The following MYT1L variants were observed in gnomAD, a reference collection of about 807,000 sequenced individuals.
MYT1L encodes myelin transcription factor 1 like.
Under a neutral mutation model 126.7 loss-of-function variants are expected in MYT1L, and 12 were observed. That is an observed-to-expected ratio of 0.09 (90% CI 0.06 to 0.15). The LOEUF (loss-of-function observed/expected upper bound fraction) is 0.15. Ranked by LOEUF, MYT1L falls within the 10% of genes least tolerant of loss-of-function variation. The probability of loss-of-function intolerance (pLI) is 1.00; values close to 1 mark genes in which losing one functional copy is unlikely to be tolerated. For synonymous variants in MYT1L, 541 were observed against 604.2 expected (o/e 0.90, Z 1.53); for missense variants, 979 against 1,585.2 (o/e 0.62, Z 6.49).
intron 3 of MYT1L, among the ~76,000 whole-genome samples, chr2:2,074,065 A>T (rs1386442268): frequency 6.6e-6 from 1 of 152,226 alleles, no homozygotes; most frequent in East Asian, 1.9e-4. Context: ...ATGAATGTTT[A>T]TTGAGCTGGC....
chr2:1,805,781 G>A (rs1481443357), intron 22 of MYT1L, among the ~76,000 whole-genome samples: 2 of 152,192 alleles, frequency 1.3e-5, no homozygotes, highest in African/African-American at 4.8e-5. Flanking sequence ...AGCTACACAG[G>A]AGGCTGAGGT....
chr2:2,166,962 C>T (rs1259649053), intron 3 of MYT1L, among the ~76,000 whole-genome samples: 1 of 152,170 alleles, frequency 6.6e-6, no homozygotes, highest in Non-Finnish European at 1.5e-5. Context: ...TCATTTTCCA[C>T]ATAGCTGCAT....
At chr2:2,235,134 T>C (rs1003791806) in intron 2 of MYT1L, among the ~76,000 whole-genome samples, 3 of 151,994 alleles carry the variant, frequency 2.0e-5, no homozygotes, top group Admixed American at 6.5e-5. Context: ...GGGGTGTCTG[T>C]TAGCTGGTTA....
intron 9 of MYT1L, among the ~76,000 whole-genome samples, chr2:1,931,475 G>A (rs917146340): frequency 6.6e-6 from 1 of 151,274 alleles, no homozygotes; most frequent in East Asian, 1.9e-4. Flanking sequence ...CACCCTCAGC[G>A]ATGCCCACGT....
At chr2:2,263,420 A>T in intron 2 of MYT1L, among the ~76,000 whole-genome samples, 1 of 152,124 alleles carries the variant, frequency 6.6e-6, no homozygotes, top group East Asian at 1.9e-4. Context: ...AAACAATTCC[A>T]ATGCATAAAT....
chr2:1,794,804 T>C (rs1031703201), intron 23 of MYT1L, among the ~76,000 whole-genome samples: 1 of 152,166 alleles, frequency 6.6e-6, no homozygotes. Context: ...TTTGCTTTTC[T>C]CAAAATGGAA....
intron 8 of MYT1L, among the ~76,000 whole-genome samples, chr2:1,957,703 G>C (rs138065741): frequency 4.6e-5 from 7 of 152,280 alleles, no homozygotes; most frequent in African/African-American, 1.7e-4. Context: ...AGGTGCAGCA[G>C]TGGGCAGCTC....
At chr2:2,020,922 C>G (rs2064962667) in intron 4 of MYT1L, among the ~76,000 whole-genome samples, 1 of 152,218 alleles carries the variant, frequency 6.6e-6, no homozygotes, top group Admixed American at 6.5e-5. Context: ...GGGACCCCAG[C>G]TGCCTCTGAG....
intron 2 of MYT1L, among the ~76,000 whole-genome samples, chr2:2,210,893 A>AT (rs548165791): frequency 1.7e-4 from 26 of 151,914 alleles, no homozygotes; most frequent in Admixed American, 7.9e-4. Flanking sequence ...TGTTTCTTCA[A>AT]TTTTTTTTAA....
At position 1,848,002 on chromosome 2, in the gene MYT1L, C is replaced by T. The variant is rs984763379; in HGVS notation, c.2774+3639G>A. 3.3e-5 allele frequency among the ~76,000 whole-genome samples: 5 copies of T among 152,186 alleles called. No homozygotes were observed. The highest frequency in any genetic ancestry group is 1.2e-4 in the African/African-American group (5 of 41,460). ...CATGGGGCTGCCAGGAGGTGGGACT[C>T]GGAGTCAGACGACATGGGCTCCAGT... is the stretch of plus-strand genomic sequence containing the variant. On this transcript the variant is annotated intron_variant, in intron 19 of 24. Coordinates refer to ENST00000647738, the MANE Select transcript of MYT1L (RefSeq NM_001303052.2). The surrounding 1 kb of genome is among the most constrained non-coding windows in gnomAD (Gnocchi z 4.8).
intron 18 of MYT1L, among the ~76,000 whole-genome samples, chr2:1,881,847 A>G (rs977920905): frequency 9.9e-5 from 15 of 152,182 alleles, no homozygotes; most frequent in Non-Finnish European, 2.2e-4. Context: ...TTAATTCTCA[A>G]TCACAAAGCA....
intron 11 of MYT1L, among the ~76,000 whole-genome samples, chr2:1,913,920 C>T (rs2052430036): frequency 1.3e-5 from 2 of 152,224 alleles, no homozygotes; most frequent in South Asian, 4.2e-4. Flanking sequence ...TCCCTCTCTC[C>T]TCTTCTCACA....
rs559540184 is a variant in MYT1L at position 2,317,110 on chromosome 2, C to T, written c.-521+13857G>A. On this transcript the variant is annotated intron_variant, in intron 1 of 24. Coordinates refer to ENST00000647738, the MANE Select transcript of MYT1L (RefSeq NM_001303052.2). ...GAGGTTATAGGTGCGAGCCACCATGCCCGGCCAGTCCAGTGATTTTTCTGG... is the reference window on the plus strand; with the variant it reads ...GAGGTTATAGGTGCGAGCCACCATGTCCGGCCAGTCCAGTGATTTTTCTGG... Among the ~76,000 whole-genome samples, 14 of 152,224 alleles carry T rather than the reference C, an allele frequency of 9.2e-5. No homozygotes were observed. In the South Asian group the frequency reaches 2.7e-3, roughly 29 times the overall value.
chr2:1,954,258 C>T (rs10191292), intron 8 of MYT1L, among the ~76,000 whole-genome samples: 11,270 of 152,186 alleles, frequency 0.074, 494 homozygotes, highest in South Asian at 0.11. Flanking sequence ...ATACGGCAAA[C>T]GCGAGGCTGC....
intron 8 of MYT1L, among the ~76,000 whole-genome samples, chr2:1,953,811 A>G (rs1176988128): frequency 2.0e-5 from 3 of 152,032 alleles, no homozygotes; most frequent in African/African-American, 7.2e-5. Flanking sequence ...CCAAAACAGA[A>G]CTCACCACCC....
chr2:1,946,713 T>C (rs1299804488), intron 8 of MYT1L, among the ~76,000 whole-genome samples: 2 of 152,192 alleles, frequency 1.3e-5, no homozygotes, highest in East Asian at 3.8e-4. Flanking sequence ...CTACATAACA[T>C]TTCAAATATG....
chr2:2,182,697 A>C (rs1156260792), intron 2 of MYT1L, among the ~76,000 whole-genome samples: 4 of 152,138 alleles, frequency 2.6e-5, no homozygotes, highest in Non-Finnish European at 5.9e-5. Flanking sequence ...TCATTTGGCC[A>C]CTGTTTGTTG....
At chr2:2,141,114 A>G (rs1363400673) in intron 3 of MYT1L, among the ~76,000 whole-genome samples, 3 of 152,198 alleles carry the variant, frequency 2.0e-5, no homozygotes, top group Non-Finnish European at 4.4e-5. Flanking sequence ...TATGAAAATC[A>G]GTGAACATTT....
chr2:2,316,034 C>A (rs907555398), intron 1 of MYT1L, among the ~76,000 whole-genome samples: 1 of 152,082 alleles, frequency 6.6e-6, no homozygotes, highest in Non-Finnish European at 1.5e-5. Context: ...TTAAATAAAA[C>A]ATATCTGTGT....
Sources: allele counts gnomAD v4.1 joint callset (sites outside exome capture counted in the v4.1 genomes callset), GRCh38; gene constraint gnomAD v4.1.1; non-coding constraint Gnocchi (gnomAD v3.1); transcripts MANE v1.5; gene names NCBI Gene and HGNC (gene_info 2026-07-23, HGNC 2026-07-21).